Variants in PCDH15 observed in about 807,000 individuals in gnomAD.
PCDH15 encodes protocadherin-15.
In PCDH15, 129 loss-of-function variants were observed where a neutral mutation model predicts 178.5. The observed-to-expected ratio is 0.72, with a 90% CI of 0.63 to 0.84. The LOEUF (loss-of-function observed/expected upper bound fraction) is 0.84. Ranked by LOEUF, PCDH15 falls within the 40% of genes least tolerant of loss-of-function variation. The probability of loss-of-function intolerance (pLI) is 0.00; values close to 1 mark genes in which losing one functional copy is unlikely to be tolerated. For synonymous variants in PCDH15, 800 were observed against 732.0 expected (o/e 1.09, Z -1.50); for missense variants, 2,230 against 2,099.9 (o/e 1.06, Z -1.21).
At chr10:54,040,942 T>G (rs1172188943) in intron 18 of PCDH15, among the ~76,000 whole-genome samples, 1 of 152,086 alleles carries the variant, frequency 6.6e-6, no homozygotes. Flanking sequence ...GCAGGTAACT[T>G]TTAAATAGGC....
chr10:54,817,453 T>C (rs1195980327), intron 3 of PCDH15, among the ~76,000 whole-genome samples: 1 of 152,030 alleles, frequency 6.6e-6, no homozygotes, highest in Non-Finnish European at 1.5e-5. Context: ...TACTCATCTC[T>C]ATCAATTGTT....
chr10:55,510,381 T>G (rs538241737), intron 2 of PCDH15, among the ~76,000 whole-genome samples: 1 of 152,090 alleles, frequency 6.6e-6, no homozygotes, highest in South Asian at 2.1e-4. Context: ...AAAGGGATTG[T>G]GAAAGTATGG....
chr10:55,283,095 G>A (rs1353819832), intron 1 of PCDH15, among the ~76,000 whole-genome samples: 1 of 152,172 alleles, frequency 6.6e-6, no homozygotes, highest in Non-Finnish European at 1.5e-5. Flanking sequence ...GCAGCTGGAG[G>A]CTGTAAGTTT....
chr10:54,920,313 G>A (rs980755741), intron 2 of PCDH15, among the ~76,000 whole-genome samples: 3 of 151,546 alleles, frequency 2.0e-5, no homozygotes, highest in Non-Finnish European at 2.9e-5. Context: ...TACTAAAATT[G>A]CAAAAAATTA....
chr10:53,959,716 G>A lies in PCDH15; in HGVS notation c.3122+16C>T, dbSNP rs543029373. 1.5e-5 allele frequency: 23 copies of A among 1,576,464 alleles called. No homozygotes were observed. In the East Asian group the frequency reaches 2.2e-4, roughly 15 times the overall value. ...TAAACATTTCGTGTATTTCAAAATCGGACAGAAATCAATACCTATATTCCT... is the reference window on the plus strand; with the variant it reads ...TAAACATTTCGTGTATTTCAAAATCAGACAGAAATCAATACCTATATTCCT... On this transcript the variant is annotated intron_variant, in intron 23 of 37. Transcript: ENST00000644397.
intron 4 of PCDH15, among the ~76,000 whole-genome samples, chr10:54,372,184 T>A (rs1436932394): frequency 1.3e-5 from 2 of 151,944 alleles, no homozygotes; most frequent in African/African-American, 4.8e-5. Flanking sequence ...AAGTTATTTA[T>A]CTTCCAATTA....
intron 1 of PCDH15, among the ~76,000 whole-genome samples, chr10:55,252,000 C>T (rs1236059033): frequency 6.6e-6 from 1 of 152,146 alleles, no homozygotes; most frequent in Non-Finnish European, 1.5e-5. Flanking sequence ...TATATTTCTG[C>T]TCCTATAAGT....
intron 21 of PCDH15, among the ~76,000 whole-genome samples, chr10:53,984,306 T>C (rs2090944442): frequency 6.6e-6 from 1 of 151,734 alleles, no homozygotes; most frequent in Admixed American, 6.6e-5. Context: ...CCCACCACCA[T>C]GCTCGGCTAA....
chr10:55,385,798 T>G (rs957979496), intron 2 of PCDH15, among the ~76,000 whole-genome samples: 1 of 148,414 alleles, frequency 6.7e-6, no homozygotes, highest in Admixed American at 6.8e-5. Flanking sequence ...TCTCTGTATA[T>G]AGATATGCAT....
chr10:54,609,866 T>C (rs948391623), intron 2 of PCDH15, among the ~76,000 whole-genome samples: 1 of 152,064 alleles, frequency 6.6e-6, no homozygotes, highest in Non-Finnish European at 1.5e-5. Context: ...CTATTTATAA[T>C]ACATTAGATA....
upstream of PCDH15, among the ~76,000 whole-genome samples, chr10:54,804,141 GC>G (rs1196479784): frequency 6.6e-6 from 1 of 151,980 alleles, no homozygotes; most frequent in Non-Finnish European, 1.5e-5. Context: ...CTGGGTTCAC[GC>G]CATTCTCCTG....
chr10:54,709,649 T>C (rs7900549), intron 1 of PCDH15, among the ~76,000 whole-genome samples: 16,079 of 139,550 alleles, frequency 0.12, 1,066 homozygotes, highest in African/African-American at 0.16. Flanking sequence ...AAAACAATTC[T>C]AATACATATT....
At chr10:54,603,570 T>C (rs1382545835) in intron 2 of PCDH15, among the ~76,000 whole-genome samples, 7 of 151,706 alleles carry the variant, frequency 4.6e-5, no homozygotes. Flanking sequence ...TGAGACAAGA[T>C]GGTGGATCCC....
chr10:54,407,803 C>T (rs1309972747), intron 3 of PCDH15, among the ~76,000 whole-genome samples: 1 of 152,110 alleles, frequency 6.6e-6, no homozygotes, highest in Non-Finnish European at 1.5e-5. Flanking sequence ...CACCTATAAT[C>T]CCAGCACTTT....
intron 8 of PCDH15, among the ~76,000 whole-genome samples, chr10:54,240,823 G>A (rs2055204015): frequency 2.0e-5 from 3 of 151,688 alleles, no homozygotes; most frequent in Non-Finnish European, 2.9e-5. Context: ...AGGAGAGACG[G>A]GGTTTCACCG....
intron 2 of PCDH15, among the ~76,000 whole-genome samples, chr10:55,075,907 G>A (rs1247636806): frequency 6.6e-6 from 1 of 151,922 alleles, no homozygotes; most frequent in African/African-American, 2.4e-5. Flanking sequence ...TGCTTTTGCT[G>A]TATTTCACAG....
At chr10:54,672,642 A>G (rs112623401) in intron 1 of PCDH15, among the ~76,000 whole-genome samples, 1 of 152,358 alleles carries the variant, frequency 6.6e-6, no homozygotes, top group African/African-American at 2.4e-5. Flanking sequence ...GAATTCTGCC[A>G]ACAATCTAAA....
chr10:54,069,359 G>A (rs2094197313), intron 17 of PCDH15, among the ~76,000 whole-genome samples: 2 of 152,040 alleles, frequency 1.3e-5, no homozygotes. Context: ...ACTCTTAAGT[G>A]GATAATGAAG....
chr10:55,178,882 T>G (rs957797439), intron 1 of PCDH15, among the ~76,000 whole-genome samples: 1 of 150,630 alleles, frequency 6.6e-6, no homozygotes, highest in African/African-American at 2.5e-5. Flanking sequence ...CAGAAATCTC[T>G]TTTCTAAAAT....
Sources: allele counts gnomAD v4.1 joint callset (sites outside exome capture counted in the v4.1 genomes callset), GRCh38; gene constraint gnomAD v4.1.1; transcripts MANE v1.5; gene names NCBI Gene and HGNC (gene_info 2026-07-23, HGNC 2026-07-21).